EEA1: variants seen among roughly 807,000 people sequenced by gnomAD.
EEA1 encodes early endosome antigen 1, 162kD.
A neutral mutation model predicts 209.2 loss-of-function variants in EEA1; 111 were observed. The ratio of observed to expected loss-of-function variants is 0.53; its 90% CI spans 0.45 to 0.62. The LOEUF (loss-of-function observed/expected upper bound fraction) is 0.62. Among genes scored for constraint, EEA1 ranks in the 20% least tolerant of loss-of-function variants. The pLI is 0.00. For synonymous variants in EEA1, 536 were observed against 540.6 expected (o/e 0.99, Z 0.12); for missense variants, 1,343 against 1,530.8 (o/e 0.88, Z 2.05).
rs57768791 is a variant in EEA1 at position 92,770,833 on chromosome 12, GA to G, written c.*5177del. On this transcript the variant is annotated 3_prime_UTR_variant, in exon 29 of 29. Coordinates refer to ENST00000322349, the MANE Select transcript of EEA1 (RefSeq NM_003566.4). Reference sequence around the variant, plus strand: ...AAATTCCATTACTTTAAGATAGGAAGAAAAAAAAAATCTGGCTTTCACCAGT... The same window carrying G: ...AAATTCCATTACTTTAAGATAGGAAGAAAAAAAAATCTGGCTTTCACCAGT... 0.29 allele frequency: 43,536 copies of G among 150,772 alleles called. 6,703 individuals carry two copies. Among genetic ancestry groups the G allele is most frequent in the Non-Finnish European group, 0.33 (22,191 of 67,544 alleles). The allele number at this position is 150,772 out of a possible 1,614,324, so 9.3% of individuals were successfully genotyped here.
intron 1 of EEA1, among the ~76,000 whole-genome samples, chr12:92,897,574 T>A (rs1005343423): frequency 3.3e-5 from 5 of 152,322 alleles, no homozygotes; most frequent in Admixed American, 3.3e-4. Context: ...GTACTTTCGT[T>A]TCCAATAAAT....
At chr12:92,817,186 G>C (rs1214505203) in intron 14 of EEA1, among the ~76,000 whole-genome samples, 1 of 150,384 alleles carries the variant, frequency 6.6e-6, no homozygotes, top group Non-Finnish European at 1.5e-5. Flanking sequence ...CTAAGGTACT[G>C]TGTTTTTTTC....
chr12:92,853,787 T>G, intron 6 of EEA1, 128 bp downstream of exon 6: 1 of 643,564 alleles, frequency 1.6e-6, no homozygotes, highest in Non-Finnish European at 2.5e-6. Flanking sequence ...ACCATTATCT[T>G]CACTGTTTTA....
intron 9 of EEA1, among the ~76,000 whole-genome samples, chr12:92,847,695 T>C (rs1274318386): frequency 6.6e-6 from 1 of 152,152 alleles, no homozygotes; most frequent in East Asian, 1.9e-4. Flanking sequence ...GGAGACAACA[T>C]AATAAAAAGG....
intron 1 of EEA1, among the ~76,000 whole-genome samples, chr12:92,918,965 C>A (rs1448313060): frequency 7.5e-6 from 1 of 133,240 alleles, no homozygotes; most frequent in Non-Finnish European, 1.6e-5. Flanking sequence ...ATACTACAAA[C>A]ACCTCTACGC....
chr12:92,784,510 C>A (rs17020735), intron 22 of EEA1, among the ~76,000 whole-genome samples: 2,830 of 152,224 alleles, frequency 0.019, 96 homozygotes, highest in African/African-American at 0.063. Context: ...TGGAAAGCAA[C>A]CCTAACCTCT....
At position 92,857,354 on chromosome 12, in the gene EEA1, T is replaced by A. The variant is rs1436086973; in HGVS notation, c.301-14A>T. 1.9e-6 allele frequency: 3 copies of A among 1,568,822 alleles called. No homozygotes were observed. Among genetic ancestry groups the A allele is most frequent in the Non-Finnish European group, 2.6e-6 (3 of 1,159,880 alleles). ...CCATTTTTCTTCCTAATAAAAAAGA[T>A]TTTTAATTAGTAAATTTAAAAAGAG... is the stretch of plus-strand genomic sequence containing the variant. On this transcript the variant is annotated splice_polypyrimidine_tract_variant and intron_variant, in intron 4 of 28. Coordinates refer to ENST00000322349, the MANE Select transcript of EEA1 (RefSeq NM_003566.4).
intron 2 of EEA1, among the ~76,000 whole-genome samples, chr12:92,871,934 G>A (rs773614297): frequency 2.2e-4 from 34 of 152,204 alleles, no homozygotes; most frequent in Admixed American, 3.3e-4. Flanking sequence ...AAGCTGTAGT[G>A]CAATGGTGCC....
intron 1 of EEA1, among the ~76,000 whole-genome samples, chr12:92,894,933 G>T (rs995377614): frequency 6.6e-6 from 1 of 152,080 alleles, no homozygotes; most frequent in Non-Finnish European, 1.5e-5. Flanking sequence ...TCCAAGCTTC[G>T]AATTCCAAGC....
chr12:92,807,456 A>G (rs902382192), intron 18 of EEA1, among the ~76,000 whole-genome samples: 14 of 152,176 alleles, frequency 9.2e-5, no homozygotes, highest in South Asian at 6.2e-4. Flanking sequence ...AAGAAAAAAG[A>G]TATAAAAGGC....
intron 21 of EEA1, among the ~76,000 whole-genome samples, chr12:92,794,808 C>G (rs1490974720): frequency 6.6e-6 from 1 of 151,638 alleles, no homozygotes; most frequent in Non-Finnish European, 1.5e-5. Context: ...TGCAGCAAAC[C>G]AACATGGCAC....
intron 17 of EEA1, among the ~76,000 whole-genome samples, chr12:92,809,523 T>TA (rs57998627): frequency 0.015 from 1,583 of 106,996 alleles, 31 homozygotes; most frequent in African/African-American, 0.042. Context: ...TTATCTCTAC[T>TA]AAAAAAAAAA....
rs776146912 is a variant in EEA1 at position 92,801,696 on chromosome 12, T to G, written c.2676A>C (p.Lys892Asn). ...KGKAAILDLE[K>N]TCKELKHQLQ... The stretch of plus-strand genomic sequence containing the variant: ...GTTGATGCTTTAATTCTTTGCAAGT[T>G]TTTTCCTTAAAAAAAATGAAAACTA... Residue 892 changes from lysine (K) to asparagine (N), a missense_variant, in exon 20 of 29, where the codon AAA becomes AAC. By Grantham distance (94) the Lys-to-Asn change is moderately conservative. Coordinates refer to ENST00000322349, the MANE Select transcript of EEA1 (RefSeq NM_003566.4). 6.3e-7 allele frequency: 1 copy of G among 1,578,002 alleles called. No individual in the cohort carries two copies. Among genetic ancestry groups the G allele is most frequent in the Non-Finnish European group, 8.6e-7 (1 of 1,166,628 alleles).
intron 9 of EEA1, among the ~76,000 whole-genome samples, chr12:92,849,676 C>T (rs1877530280): frequency 6.6e-6 from 1 of 152,164 alleles, no homozygotes; most frequent in South Asian, 2.1e-4. Context: ...TATCCACAAA[C>T]TTTCACCATC....
rs139920297 is a variant in EEA1, at chr12:92,810,811, T to C, written c.2199+468A>G. On this transcript the variant is annotated intron_variant, in intron 17 of 28. Coordinates refer to ENST00000322349, the MANE Select transcript of EEA1 (RefSeq NM_003566.4). ...CATATGGAGTTGTGTTAAAGTAAGA[T>C]ACAGTTTATCATAGTCTCAATGTGT... Among the ~76,000 whole-genome samples the C allele has an allele frequency of 8.0e-3, 1,211 of 152,242 alleles. 25 individuals are homozygous for C. Among genetic ancestry groups the C allele is most frequent in the African/African-American group, 0.027 (1,116 of 41,566 alleles).
intron 1 of EEA1, among the ~76,000 whole-genome samples, chr12:92,928,342 A>G (rs1331561040): frequency 6.6e-6 from 1 of 152,244 alleles, no homozygotes; most frequent in African/African-American, 2.4e-5. Context: ...AACTAAGTGT[A>G]TATACCACTT....
At chr12:92,789,306 AAGAAAAGAAAAAG>A (rs1484533732) in intron 21 of EEA1, among the ~76,000 whole-genome samples, 7 of 151,688 alleles carry the variant, frequency 4.6e-5, no homozygotes, top group South Asian at 2.1e-4. Flanking sequence ...AAAAGAAAGA[AAGAAAAGAAAAAG>A]AGAAAGAAAA....
At chr12:92,832,403 A>G in intron 11 of EEA1, 109 bp downstream of exon 11, 1 of 1,077,614 alleles carries the variant, frequency 9.3e-7, no homozygotes, top group Non-Finnish European at 1.3e-6. Context: ...TAATCTTTTA[A>G]AATGACAATA....
intron 21 of EEA1, among the ~76,000 whole-genome samples, chr12:92,788,820 C>T (rs1332751890): frequency 1.3e-5 from 2 of 152,172 alleles, no homozygotes; most frequent in African/African-American, 2.4e-5. Flanking sequence ...CTTCTAGAAA[C>T]ACTTTCTTCA....
Sources: gnomAD v4.1 joint callset for allele counts (sites outside exome capture counted in the v4.1 genomes callset) on GRCh38, gnomAD v4.1.1 for gene constraint, MANE v1.5 for transcripts, NCBI Gene and HGNC (gene_info 2026-07-23, HGNC 2026-07-21) for gene names.